The following PCDHGA3 variants were observed in gnomAD, a reference collection of about 807,000 sequenced individuals.
PCDHGA3 encodes the protein protocadherin gamma subfamily A, 3.
PCDHGA3 carries 40 observed loss-of-function variants against 58.5 expected under a neutral mutation model. The observed-to-expected ratio is 0.68, with a 90% confidence interval of 0.53 to 0.89. PCDHGA3 has a LOEUF of 0.89. Among genes scored for constraint, PCDHGA3 ranks in the 40% least tolerant of loss-of-function variants. The pLI is 0.00. For missense variants in PCDHGA3, 1,223 were observed against 1,195.9 expected (o/e 1.02, Z -0.33); for synonymous variants, 530 against 525.7 (o/e 1.01, Z -0.11).
In PCDHGA3 at chr5:141,511,251, A is replaced by T. The variant is rs780892899; in HGVS notation, c.*78A>T. 2.0e-5 allele frequency: 32 copies of T among 1,571,672 alleles called. No homozygotes were observed. Among genetic ancestry groups the T allele is most frequent in the Non-Finnish European group, 2.6e-5 (30 of 1,158,828 alleles). ...TTCTCCTTACCTGCACCCAGGCCTC[A>T]GAGTTTCAGGGCTAACCCCCAGAAT... On this transcript the variant is annotated 3_prime_UTR_variant, in exon 4 of 4. Transcript: ENST00000253812.
Position 141,422,964 on chromosome 5 carries a change from G to C in PCDHGA3, c.2425-71843G>C, listed in dbSNP as rs375881737. 1.0e-4 allele frequency: 161 copies of C among 1,614,190 alleles called. No individual in the cohort carries two copies. In the African/African-American group the frequency reaches 1.9e-3, roughly 20 times the overall value. ...ACGGCTCCACTGGCGTGGAGCTGGC[G>C]CCCCGCTCTGCGGAACCTGGCTACC... On this transcript the variant is annotated intron_variant, in intron 1 of 3. Coordinates refer to ENST00000253812, the MANE Select transcript of PCDHGA3 (RefSeq NM_018916.4).
intron 1 of PCDHGA3, chr5:141,404,364 T>A (rs1353392173): frequency 2.5e-6 from 4 of 1,613,962 alleles, no homozygotes; most frequent in Non-Finnish European, 3.4e-6. Context: ...GGTACTTCCA[T>A]CTTCTCCGTG....
At position 141,494,872 on chromosome 5, in the gene PCDHGA3, G is replaced by T. The variant is rs917132299; in HGVS notation, c.2483+7G>T. On this transcript the variant is annotated splice_region_variant and intron_variant, in intron 2 of 3. Transcript: ENST00000253812. The stretch of plus-strand genomic sequence containing the variant: ...AGAGACCCGGCACCAGCGGGTAGGT[G>T]ACTGATTCTCCAGCCCACCCTCTTC... 7 of 1,614,010 alleles carry T rather than the reference G, an allele frequency of 4.3e-6. No homozygotes were observed. The highest frequency in any genetic ancestry group is 1.3e-5 in the African/African-American group (1 of 74,910).
chr5:141,482,505 C>T (rs1183998287), intron 1 of PCDHGA3, among the ~76,000 whole-genome samples: 1 of 122,986 alleles, frequency 8.1e-6, no homozygotes, highest in African/African-American at 3.4e-5. Context: ...TTCTGGTACC[C>T]AGAGTACAGT....
intron 1 of PCDHGA3, chr5:141,410,442 C>G (rs1444532577): frequency 6.2e-7 from 1 of 1,613,942 alleles, no homozygotes; most frequent in Admixed American, 1.7e-5. Context: ...AGTGAGGGGA[C>G]TTTGCCTTAT....
chr5:141,362,735 TA>T lies in PCDHGA3; in HGVS notation c.2424+16279del, dbSNP rs1266066195. Reference sequence around the variant, plus strand: ...TTCTCTCTGAAGTGTGAGATTTATTTACCCATGATTGCAAACCTTTATCACA... The same window carrying T: ...TTCTCTCTGAAGTGTGAGATTTATTTCCCATGATTGCAAACCTTTATCACA... On this transcript the variant is annotated intron_variant, in intron 1 of 3. Transcript: ENST00000253812. The T allele has an allele frequency of 2.0e-5, 15 of 764,982 alleles. No homozygotes were observed. In the Admixed American group the frequency reaches 4.5e-4, roughly 23 times the overall value. The allele number at this position is 764,982 out of a possible 1,614,324, so 47.4% of individuals were successfully genotyped here.
intron 2 of PCDHGA3, among the ~76,000 whole-genome samples, chr5:141,498,882 G>A (rs1287566657): frequency 6.8e-6 from 1 of 147,420 alleles, no homozygotes; most frequent in African/African-American, 2.5e-5. Context: ...GCAGTGAGCT[G>A]AGATCACACC....
At chr5:141,508,538 G>C (rs1383873129) in intron 3 of PCDHGA3, among the ~76,000 whole-genome samples, 1 of 152,120 alleles carries the variant, frequency 6.6e-6, no homozygotes, top group African/African-American at 2.4e-5. Flanking sequence ...CACCCCCCAC[G>C]AGGTGGGCGG....
intron 1 of PCDHGA3, chr5:141,421,579 T>G (rs753573473): frequency 1.9e-6 from 3 of 1,613,816 alleles, no homozygotes; most frequent in Non-Finnish European, 2.5e-6. Context: ...CTTGAAGATT[T>G]ACGGAGTGGA....
Position 141,490,532 on chromosome 5 carries a change from C to T in PCDHGA3, c.2425-4275C>T. Reference sequence around the variant, plus strand: ...GAGCTGCTGGCCAGCGATGCTGGTTCACCTTCCCTACACAAACATCTCACC... The same window carrying T: ...GAGCTGCTGGCCAGCGATGCTGGTTTACCTTCCCTACACAAACATCTCACC... On this transcript the variant is annotated intron_variant, in intron 1 of 3. Coordinates refer to ENST00000253812, the MANE Select transcript of PCDHGA3 (RefSeq NM_018916.4). This position sits in a 1 kb window ranked among gnomAD's most constrained non-coding sequence, Gnocchi z 5.4. 6.2e-7 allele frequency: 1 copy of T among 1,614,142 alleles called. No homozygotes were observed. Among genetic ancestry groups the T allele is most frequent in the Non-Finnish European group, 8.5e-7 (1 of 1,180,030 alleles).
intron 1 of PCDHGA3, among the ~76,000 whole-genome samples, chr5:141,435,715 A>T (rs528951395): frequency 5.9e-5 from 9 of 152,210 alleles, no homozygotes; most frequent in Non-Finnish European, 1.0e-4. Context: ...ACAGACACTG[A>T]ATGCTAAAGT....
intron 1 of PCDHGA3, chr5:141,403,373 A>C: frequency 6.2e-7 from 1 of 1,614,074 alleles, no homozygotes; most frequent in Non-Finnish European, 8.5e-7. Flanking sequence ...TCTGGAAGTA[A>C]AAATTAACGA....
rs2099695548 is a variant in PCDHGA3, at chr5:141,490,059, C to T, written c.2425-4748C>T. On this transcript the variant is annotated intron_variant, in intron 1 of 3. Coordinates refer to ENST00000253812, the MANE Select transcript of PCDHGA3 (RefSeq NM_018916.4). The surrounding 1 kb of genome is among the most constrained non-coding windows in gnomAD (Gnocchi z 5.4). ...ATGCCACTGATCCAGACGAGGGCAC[C>T]AACGGCCAACTAGACTATTCTTTTG... 1.2e-6 allele frequency: 2 copies of T among 1,614,242 alleles called. No individual in the cohort carries two copies. The highest frequency in any genetic ancestry group is 1.7e-6 in the Non-Finnish European group (2 of 1,180,030).
chr5:141,422,539 C>T (rs1335732614), intron 1 of PCDHGA3: 6 of 1,613,876 alleles, frequency 3.7e-6, no homozygotes, highest in Middle Eastern at 1.6e-4. Context: ...TGCAGAAACT[C>T]ATGTCTGGCT....
At position 141,485,683 on chromosome 5, in the gene PCDHGA3, T is replaced by C. The variant is rs2099617681; in HGVS notation, c.2425-9124T>C. ...TGGGGAGCAATTCGATTAGCAGCTA[T>C]AGGCTGAGCTCCAATGAACACTTTG... On this transcript the variant is annotated intron_variant, in intron 1 of 3. Coordinates refer to ENST00000253812, the MANE Select transcript of PCDHGA3 (RefSeq NM_018916.4). This position sits in a 1 kb window ranked among gnomAD's most constrained non-coding sequence, Gnocchi z 5.7. 3.7e-6 allele frequency: 6 copies of C among 1,614,042 alleles called. No individual in the cohort carries two copies. The South Asian group carries it at 4.4e-5, about 12-fold the overall frequency.
rs368800698 is a variant in PCDHGA3, at chr5:141,405,118, G to A, written c.2424+58661G>A. The A allele has an allele frequency of 1.1e-5, 18 of 1,613,946 alleles. No homozygotes were observed. The East Asian group carries it at 1.8e-4, about 16-fold the overall frequency. ...TCAGGCTGAGGCACTGGCACTCCTCGCATCTGCTGCGGGCTACCAGTGATG... is the reference window on the plus strand; with the variant it reads ...TCAGGCTGAGGCACTGGCACTCCTCACATCTGCTGCGGGCTACCAGTGATG... On this transcript the variant is annotated intron_variant, in intron 1 of 3. Transcript: ENST00000253812.
chr5:141,364,417 G>A, intron 1 of PCDHGA3: 1 of 1,613,362 alleles, frequency 6.2e-7, no homozygotes. Context: ...CAGGATCCGG[G>A]CAGATCCGCT....
intron 1 of PCDHGA3, chr5:141,384,111 G>A: frequency 6.2e-7 from 1 of 1,604,746 alleles, no homozygotes; most frequent in Non-Finnish European, 8.5e-7. Context: ...ATTATAGATT[G>A]GTCACAACCA....
intron 1 of PCDHGA3, among the ~76,000 whole-genome samples, chr5:141,437,550 A>T (rs866913156): frequency 6.6e-6 from 1 of 152,192 alleles, no homozygotes; most frequent in African/African-American, 2.4e-5. Context: ...AGTTTTCTTT[A>T]TGACATGTAA....
Sources: gnomAD v4.1 joint callset for allele counts (sites outside exome capture counted in the v4.1 genomes callset) on GRCh38, gnomAD v4.1.1 for gene constraint, Gnocchi (gnomAD v3.1) non-coding constraint, MANE v1.5 for transcripts, NCBI Gene and HGNC (gene_info 2026-07-23, HGNC 2026-07-21) for gene names.